The following MARS2 variants were observed in gnomAD, a reference collection of about 807,000 sequenced individuals.
The protein encoded by MARS2 is methionyl-tRNA synthetase 2, mitochondrial.
MARS2 carries 33 observed loss-of-function variants against 43.8 expected under a neutral mutation model. That is an observed-to-expected ratio of 0.75 (90% CI 0.57 to 1.01). The LOEUF (loss-of-function observed/expected upper bound fraction) is 1.01. MARS2 is among the 50% of genes least tolerant of loss of function. The pLI is 0.00. For missense variants in MARS2, 720 were observed against 763.0 expected (o/e 0.94, Z 0.66); for synonymous variants, 351 against 325.5 (o/e 1.08, Z -0.84).
In MARS2 at chr2:197,706,317, C is replaced by T. The variant is rs758475460; in HGVS notation, c.912C>T (p.Thr304=). 6 of 1,614,210 alleles carry T rather than the reference C, an allele frequency of 3.7e-6. No homozygotes were observed. The highest frequency in any genetic ancestry group is 1.6e-4 in the Middle Eastern group (1 of 6,062). ...NAEFKSWWPA[T]SHIIGKDILK... is the part of the protein sequence containing the mutation. The stretch of plus-strand genomic sequence containing the variant: ...AGTTCAAATCTTGGTGGCCGGCCAC[C>T]TCTCATATCATAGGTAAGGACATTC... The change falls in exon 1 of 1, where the codon ACC becomes ACT. Residue 304 remains threonine, a synonymous_variant. Transcript: ENST00000282276.
In MARS2 at chr2:197,705,509, G is replaced by A. The variant is rs757093106; in HGVS notation, c.104G>A (p.Ser35Asn). ...GPRYYSSGSL[S>N]AGDDACDVRA... ...CGCTACTACAGTTCGGGCTCCCTCA[G>A]TGCCGGCGATGATGCTTGTGATGTG... The change falls in exon 1 of 1, where the codon AGT (serine) becomes AAT (asparagine). Residue 35 changes from serine (S) to asparagine (N), a missense_variant. Ser to Asn is a conservative substitution (Grantham distance 46). Transcript: ENST00000282276. 1 of 1,613,200 alleles carries A rather than the reference G, an allele frequency of 6.2e-7. No homozygotes were observed. The highest frequency in any genetic ancestry group is 8.5e-7 in the Non-Finnish European group (1 of 1,179,998).
At position 197,705,885 on chromosome 2, in the gene MARS2, C is replaced by T. The variant is rs1254019584; in HGVS notation, c.480C>T (p.Leu160=). Residue 160 remains leucine, a synonymous_variant, in exon 1 of 1, where the codon CTC becomes CTT. Coordinates refer to ENST00000282276, the MANE Select transcript of MARS2 (RefSeq NM_138395.4). ...FWGVLKSRGL[L]YKGVYEGWYC... ...GGGTGCTTAAGTCCCGCGGTCTGCT[C>T]TACAAGGGCGTCTATGAAGGTTGGT... 6.8e-6 allele frequency: 11 copies of T among 1,614,110 alleles called. No individual in the cohort carries two copies. Among genetic ancestry groups the T allele is most frequent in the Admixed American group, 1.7e-5 (1 of 60,026 alleles).
chr2:197,705,524 C>T lies in MARS2; in HGVS notation c.119C>T (p.Ala40Val). 3 of 1,613,234 alleles carry T rather than the reference C, an allele frequency of 1.9e-6. No individual in the cohort carries two copies. The highest frequency in any genetic ancestry group is 2.5e-6 in the Non-Finnish European group (3 of 1,179,980). The change falls in exon 1 of 1, where the codon GCT becomes GTT. Residue 40 changes from alanine to valine, a missense_variant. By Grantham distance (64) the Ala-to-Val change is moderately conservative (BLOSUM62 0). Coordinates refer to ENST00000282276, the MANE Select transcript of MARS2 (RefSeq NM_138395.4). ...GGCTCCCTCAGTGCCGGCGATGATG[C>T]TTGTGATGTGCGCGCCTACTTCACT... ...SSGSLSAGDDACDVRAYFTTP... is the reference protein window; with the variant it reads ...SSGSLSAGDDVCDVRAYFTTP...
rs1289755391 is a variant in MARS2, at chr2:197,705,665, G to T, written c.260G>T (p.Arg87Leu). 6.2e-7 allele frequency: 1 copy of T among 1,611,240 alleles called. No individual in the cohort carries two copies. The highest frequency in any genetic ancestry group is 1.7e-5 in the Admixed American group (1 of 60,002). The change falls in exon 1 of 1, where the codon CGA (arginine) becomes CTA (leucine). Residue 87 changes from arginine (R) to leucine (L), a missense_variant. Transcript: ENST00000282276. The part of the protein sequence containing the change: ...RLRGPSTAAT[R>L]FSTGTDEHGL... ...CGAGGTCCCAGCACGGCCGCCACGC[G>T]ATTCTCCACTGGTACCGACGAGCAC...
rs2089478988 is a variant in MARS2 at position 197,706,714 on chromosome 2, G to T, written c.1309G>T (p.Gly437Trp). The change falls in exon 1 of 1, where the codon GGG becomes TGG. Residue 437 changes from glycine (G) to tryptophan (W), a missense_variant. Transcript: ENST00000282276. ...CTTCCCTAGTGAGCCAGGGTTGGTG[G>T]GGCCGTCAGTTCGTGCTCAGGCAGA... is the stretch of plus-strand genomic sequence containing the variant. ...TCFPSEPGLV[G>W]PSVRAQAEDY... 6.2e-7 allele frequency: 1 copy of T among 1,614,016 alleles called. No individual in the cohort carries two copies. The highest frequency in any genetic ancestry group is 1.7e-5 in the Admixed American group (1 of 60,036).
In MARS2 at chr2:197,705,400, T is replaced by G. The variant is rs746270635; in HGVS notation, c.-6T>G. On this transcript the variant is annotated 5_prime_UTR_variant, in exon 1 of 1. Transcript: ENST00000282276. ...CCGCCTCCTCCGCTTGCGGCCGGTC[T>G]GCACCATGCTGCGAACGTCCGTCCT... 4 of 1,604,854 alleles carry G rather than the reference T, an allele frequency of 2.5e-6. No individual in the cohort carries two copies. Among genetic ancestry groups the G allele is most frequent in the Non-Finnish European group, 3.4e-6 (4 of 1,175,976 alleles).
chr2:197,706,719 G>A lies in MARS2; in HGVS notation c.1314G>A (p.Pro438=), dbSNP rs768592476. The A allele has an allele frequency of 1.9e-6, 3 of 1,613,954 alleles. No homozygotes were observed. The highest frequency in any genetic ancestry group is 1.7e-5 in the Admixed American group (1 of 60,032). Residue 438 remains proline, a synonymous_variant, in exon 1 of 1, where the codon CCG becomes CCA. Transcript: ENST00000282276. ...CFPSEPGLVG[P]SVRAQAEDYA... ...CTAGTGAGCCAGGGTTGGTGGGGCC[G>A]TCAGTTCGTGCTCAGGCAGAGGATT...
In MARS2 at chr2:197,706,711, G is replaced by A. The variant is rs1195861509; in HGVS notation, c.1306G>A (p.Val436Met). 4 of 1,614,042 alleles carry A rather than the reference G, an allele frequency of 2.5e-6. No homozygotes were observed. The highest frequency in any genetic ancestry group is 1.7e-5 in the Admixed American group (1 of 60,032). The change falls in exon 1 of 1, where the codon GTG becomes ATG. Residue 436 changes from valine to methionine, a missense_variant. Val to Met is a conservative substitution (Grantham distance 21). Transcript: ENST00000282276. ...CTGCTTCCCTAGTGAGCCAGGGTTG[G>A]TGGGGCCGTCAGTTCGTGCTCAGGC... ...TTCFPSEPGL[V>M]GPSVRAQAED...
At position 197,707,031 on chromosome 2, in the gene MARS2, T is replaced by C. The variant is rs764377831; in HGVS notation, c.1626T>C (p.Ser542=). Residue 542 remains serine, a synonymous_variant, in exon 1 of 1, where the codon TCT becomes TCC. Coordinates refer to ENST00000282276, the MANE Select transcript of MARS2 (RefSeq NM_138395.4). ...ADKLLSRLGV[S]ASERSLGELY... ...AGCTGCTGTCTAGGCTGGGGGTCTCTGCCTCAGAGAGGAGTCTTGGAGAGC... is the reference window on the plus strand; with the variant it reads ...AGCTGCTGTCTAGGCTGGGGGTCTCCGCCTCAGAGAGGAGTCTTGGAGAGC... 1 of 1,614,182 alleles carries C rather than the reference T, an allele frequency of 6.2e-7. No individual in the cohort carries two copies. Among genetic ancestry groups the C allele is most frequent in the East Asian group, 2.2e-5 (1 of 44,882 alleles).
In MARS2 at chr2:197,705,723, G is replaced by C. The variant is rs778409892; in HGVS notation, c.318G>C (p.Ala106=). The C allele has an allele frequency of 3.1e-6, 5 of 1,611,656 alleles. No homozygotes were observed. In the African/African-American group the frequency reaches 4.0e-5, roughly 13 times the overall value. Residue 106 remains alanine (A), a synonymous_variant, in exon 1 of 1, where the codon GCG becomes GCC. Coordinates refer to ENST00000282276, the MANE Select transcript of MARS2 (RefSeq NM_138395.4). ...GLKIQQAAAT[A]GLAPTELCDR... is the part of the protein sequence containing the mutation. ...AGATTCAGCAGGCAGCAGCTACCGC[G>C]GGCCTGGCCCCGACCGAGCTGTGCG...
chr2:197,705,827 C>G lies in MARS2; in HGVS notation c.422C>G (p.Ala141Gly). The change falls in exon 1 of 1, where the codon GCC (alanine) becomes GGC (glycine). Residue 141 changes from alanine to glycine, a missense_variant. By Grantham distance (60) the Ala-to-Gly change is moderately conservative. Coordinates refer to ENST00000282276, the MANE Select transcript of MARS2 (RefSeq NM_138395.4). The stretch of plus-strand genomic sequence containing the variant: ...ACAGATTTCATCCGCACCACGGAGG[C>G]CCGGCACCGGGTGGCTGTGCAGCAC... ...SCTDFIRTTEARHRVAVQHFW... is the reference protein window; with the variant it reads ...SCTDFIRTTEGRHRVAVQHFW... 6 of 1,613,850 alleles carry G rather than the reference C, an allele frequency of 3.7e-6. No individual in the cohort carries two copies. Among genetic ancestry groups the G allele is most frequent in the Non-Finnish European group, 5.1e-6 (6 of 1,180,042 alleles).
Position 197,705,383 on chromosome 2 carries a change from T to C in MARS2, c.-23T>C. 6.4e-7 allele frequency: 1 copy of C among 1,560,386 alleles called. No homozygotes were observed. The highest frequency in any genetic ancestry group is 8.7e-7 in the Non-Finnish European group (1 of 1,151,184). ...CACGTGCTGTCAGAACGCCGCCTCC[T>C]CCGCTTGCGGCCGGTCTGCACCATG... On this transcript the variant is annotated 5_prime_UTR_variant, in exon 1 of 1. Coordinates refer to ENST00000282276, the MANE Select transcript of MARS2 (RefSeq NM_138395.4).
chr2:197,706,517 G>T lies in MARS2; in HGVS notation c.1112G>T (p.Arg371Leu). ...CLNRYTVDGF[R>L]YFLLRQGVPN... is the part of the protein sequence containing the mutation. ...AACCGCTATACCGTGGATGGCTTCC[G>T]CTACTTTCTCCTTCGGCAGGGCGTC... Residue 371 changes from arginine to leucine, a missense_variant, in exon 1 of 1, where the codon CGC becomes CTC. Coordinates refer to ENST00000282276, the MANE Select transcript of MARS2 (RefSeq NM_138395.4). 3 of 1,614,104 alleles carry T rather than the reference G, an allele frequency of 1.9e-6. No individual in the cohort carries two copies. Among genetic ancestry groups the T allele is most frequent in the East Asian group, 2.2e-5 (1 of 44,886 alleles).
rs780232441 is a variant in MARS2 at position 197,706,491 on chromosome 2, T to G, written c.1086T>G (p.Leu362=). 1.2e-6 allele frequency: 2 copies of G among 1,613,854 alleles called. No homozygotes were observed. Among genetic ancestry groups the G allele is most frequent in the African/African-American group, 2.7e-5 (2 of 74,926 alleles). Residue 362 remains leucine, a synonymous_variant, in exon 1 of 1, where the codon CTT becomes CTG. Transcript: ENST00000282276. ...ACGTGGTGGATCCTAGGACTTGCCT[T>G]AACCGCTATACCGTGGATGGCTTCC... ...LGNVVDPRTC[L]NRYTVDGFRY... is the part of the protein sequence containing the mutation.
In MARS2 at chr2:197,705,981, G is replaced by C. The variant is rs767796575; in HGVS notation, c.576G>C (p.Ser192=). 10 of 1,614,182 alleles carry C rather than the reference G, an allele frequency of 6.2e-6. No individual in the cohort carries two copies. In the South Asian group the frequency reaches 9.9e-5, roughly 16 times the overall value. Residue 192 remains serine (S), a synonymous_variant, in exon 1 of 1, where the codon TCG becomes TCC. Coordinates refer to ENST00000282276, the MANE Select transcript of MARS2 (RefSeq NM_138395.4). ...VTQQPGPSGD[S]FPVSLESGHP... ...AGCAGCCGGGCCCATCGGGGGATTC[G>C]TTTCCTGTATCTCTCGAGAGCGGGC...
Position 197,707,636 on chromosome 2 carries a change from T to G in MARS2, c.*449T>G, listed in dbSNP as rs2089487369. 5.4e-6 allele frequency: 1 copy of G among 185,786 alleles called. No individual in the cohort carries two copies. Among genetic ancestry groups the G allele is most frequent in the Admixed American group, 5.6e-5 (1 of 17,916 alleles). The allele number at this position is 185,786 out of a possible 1,614,324, so 11.5% of individuals were successfully genotyped here. A position where few individuals can be genotyped will look rare whatever the true frequency, so the allele number is the denominator to read the frequency against. On this transcript the variant is annotated 3_prime_UTR_variant, in exon 1 of 1. Transcript: ENST00000282276. ...CCTACTTTGTTACACATGTTGGGTTTCCTGATAAAAAGAGAGTATTTTATT... is the reference window on the plus strand; with the variant it reads ...CCTACTTTGTTACACATGTTGGGTTGCCTGATAAAAAGAGAGTATTTTATT...
chr2:197,705,762 G>T lies in MARS2; in HGVS notation c.357G>T (p.Glu119Asp). The change falls in exon 1 of 1, where the codon GAG becomes GAT. Residue 119 changes from glutamate to aspartate, a missense_variant. Physicochemically the swap from Glu to Asp is conservative, Grantham distance 45 (BLOSUM62 2). Coordinates refer to ENST00000282276, the MANE Select transcript of MARS2 (RefSeq NM_138395.4). Reference sequence around the variant, plus strand: ...CCGAGCTGTGCGACCGAGTCTCTGAGCAGTTCCAGCAGCTTTTCCAGGAGG... The same window carrying T: ...CCGAGCTGTGCGACCGAGTCTCTGATCAGTTCCAGCAGCTTTTCCAGGAGG... Reference protein sequence around the residue: ...APTELCDRVSEQFQQLFQEAG... With the variant: ...APTELCDRVSDQFQQLFQEAG... The T allele has an allele frequency of 6.2e-7, 1 of 1,613,092 alleles. No homozygotes were observed. Among genetic ancestry groups the T allele is most frequent in the Non-Finnish European group, 8.5e-7 (1 of 1,180,046 alleles).
chr2:197,705,702 TCAGCAGGCAGCAGCTACCGCGGG>T lies in MARS2; in HGVS notation c.299_321del (p.Gln100ProfsTer12). 1 of 1,611,244 alleles carries T rather than the reference TCAGCAGGCAGCAGCTACCGCGGG, an allele frequency of 6.2e-7. No individual in the cohort carries two copies. The highest frequency in any genetic ancestry group is 8.5e-7 in the Non-Finnish European group (1 of 1,180,018). ...GTACCGACGAGCACGGGCTGAAGAT[TCAGCAGGCAGCAGCTACCGCGGG>T]CCTGGCCCCGACCGAGCTGTGCGAC... On this transcript the variant is annotated frameshift_variant, in exon 1 of 1. Transcript: ENST00000282276. LOFTEE classifies it high-confidence loss of function.
Position 197,706,711 on chromosome 2 carries a change from G to GT in MARS2, c.1307dup (p.Pro438AlafsTer28), listed in dbSNP as rs2089478969. 1 of 1,614,042 alleles carries GT rather than the reference G, an allele frequency of 6.2e-7. No individual in the cohort carries two copies. The highest frequency in any genetic ancestry group is 1.1e-5 in the South Asian group (1 of 91,092). ...CTGCTTCCCTAGTGAGCCAGGGTTGGTGGGGCCGTCAGTTCGTGCTCAGGC... is the reference window on the plus strand; with the variant it reads ...CTGCTTCCCTAGTGAGCCAGGGTTGGTTGGGGCCGTCAGTTCGTGCTCAGGC... On this transcript the variant is annotated frameshift_variant, in exon 1 of 1. Coordinates refer to ENST00000282276, the MANE Select transcript of MARS2 (RefSeq NM_138395.4). LOFTEE classifies it high-confidence loss of function.
Sources: allele counts gnomAD v4.1 joint callset, GRCh38; gene constraint gnomAD v4.1.1; transcripts MANE v1.5; gene names NCBI Gene and HGNC (gene_info 2026-07-23, HGNC 2026-07-21).